Variants in DPF3 observed in about 807,000 individuals in gnomAD.
The protein encoded by DPF3 is double PHD fingers 3.
DPF3 carries 18 observed loss-of-function variants against 56.8 expected under a neutral mutation model. The ratio of observed to expected loss-of-function variants is 0.32; its 90% CI spans 0.22 to 0.47. The LOEUF is 0.47. DPF3 is among the 20% of genes least tolerant of loss of function. DPF3 has a pLI of 1.00. For missense variants in DPF3, 403 were observed against 488.8 expected, an observed-to-expected ratio of 0.82 and a Z score of 1.65; for synonymous variants, 188 against 180.2, an observed-to-expected ratio of 1.04 and a Z score of -0.35.
intron 9 of DPF3, among the ~76,000 whole-genome samples, chr14:72,627,286 T>C (rs1198953130): frequency 6.6e-6 from 1 of 152,136 alleles, no homozygotes; most frequent in African/African-American, 2.4e-5. Context: ...GGTTTTACTT[T>C]GTACATTTAG....
chr14:72,781,879 C>T (rs73302156), intron 1 of DPF3, among the ~76,000 whole-genome samples: 1 of 152,074 alleles, frequency 6.6e-6, no homozygotes, highest in South Asian at 2.1e-4. Context: ...GGTGGAGAAG[C>T]CTGCTTTATC....
intron 1 of DPF3, among the ~76,000 whole-genome samples, chr14:72,841,869 G>C (rs1884555268): frequency 6.6e-6 from 1 of 152,056 alleles, no homozygotes; most frequent in Non-Finnish European, 1.5e-5. Context: ...GACTGCTTGA[G>C]GCTGGGAGTT....
At chr14:72,730,817 C>G (rs888648592) in intron 4 of DPF3, among the ~76,000 whole-genome samples, 1 of 152,060 alleles carries the variant, frequency 6.6e-6, no homozygotes, top group African/African-American at 2.4e-5. Context: ...TATTACAATA[C>G]TCAATGGCAA....
chr14:72,892,941 CTGGAAGGA>C (rs1567273640), intron 1 of DPF3, among the ~76,000 whole-genome samples: 2 of 127,086 alleles, frequency 1.6e-5, no homozygotes, highest in South Asian at 2.4e-4. Context: ...GTTCCACTGA[CTGGAAGGA>C]AGGAAGGAAG....
chr14:72,844,994 T>TCTG (rs1884692292), intron 1 of DPF3, among the ~76,000 whole-genome samples: 1 of 152,118 alleles, frequency 6.6e-6, no homozygotes, highest in Admixed American at 6.5e-5. Flanking sequence ...GTGGCACCCG[T>TCTG]CTGTAGTTTC....
In DPF3 at chr14:72,616,394, C is replaced by G. The variant is rs549340730; in HGVS notation, c.*2903G>C. The stretch of plus-strand genomic sequence containing the variant: ...CCCATGTACATCCCTCACCTCCACC[C>G]CACAGCCCATGCAAGTCATGATTTC... On this transcript the variant is annotated 3_prime_UTR_variant, in exon 11 of 11. Transcript: ENST00000556509. Among the ~76,000 whole-genome samples the G allele has an allele frequency of 5.9e-5, 9 of 152,198 alleles. No homozygotes were observed. Among genetic ancestry groups the G allele is most frequent in the Non-Finnish European group, 1.3e-4 (9 of 68,040 alleles).
At chr14:72,826,117 A>T (rs1300043324) in intron 1 of DPF3, among the ~76,000 whole-genome samples, 1 of 152,174 alleles carries the variant, frequency 6.6e-6, no homozygotes, top group African/African-American at 2.4e-5. Context: ...AACTTGAAAG[A>T]GTTGTCTTGA....
intron 1 of DPF3, among the ~76,000 whole-genome samples, chr14:72,795,357 A>G (rs1892607944): frequency 6.7e-6 from 1 of 149,872 alleles, no homozygotes; most frequent in Non-Finnish European, 1.5e-5. Context: ...TTGGAACCAC[A>G]TCGCTCTGGG....
intron 2 of DPF3, among the ~76,000 whole-genome samples, chr14:72,759,588 A>T (rs1433116567): frequency 2.6e-5 from 4 of 151,536 alleles, no homozygotes; most frequent in Non-Finnish European, 5.9e-5. Context: ...AAGAAAGGGA[A>T]GGAAGGAAGG....
chr14:72,703,639 G>C (rs1194950887), intron 6 of DPF3, among the ~76,000 whole-genome samples: 2 of 152,314 alleles, frequency 1.3e-5, no homozygotes, highest in East Asian at 3.9e-4. Context: ...GATTTGCAAT[G>C]TGACCTTGGG....
chr14:72,849,045 A>G (rs113898395), intron 1 of DPF3, among the ~76,000 whole-genome samples: 19 of 152,344 alleles, frequency 1.2e-4, no homozygotes, highest in African/African-American at 3.6e-4. Context: ...CAGGCCCCCA[A>G]AAAAGTTAAA....
intron 6 of DPF3, among the ~76,000 whole-genome samples, chr14:72,704,350 G>A (rs1279103684): frequency 6.6e-6 from 1 of 152,180 alleles, no homozygotes; most frequent in Non-Finnish European, 1.5e-5. Flanking sequence ...AAAGAGAAAG[G>A]TCAAAAATCA....
chr14:72,892,506 C>CT lies in DPF3; in HGVS notation c.32+1550dup, dbSNP rs1293576198. 3 of 1,411,916 alleles carry CT rather than the reference C, an allele frequency of 2.1e-6. No homozygotes were observed. In the African/African-American group the frequency reaches 4.4e-5, roughly 20 times the overall value. The allele number at this position is 1,411,916 out of a possible 1,614,324, so 87.5% of individuals were successfully genotyped here. ...TTTGAAACCTGGGGCCTTCCTACCCCTTTCCCTATTTCTGATGGGCGACGA... is the reference window on the plus strand; with the variant it reads ...TTTGAAACCTGGGGCCTTCCTACCCCTTTTCCCTATTTCTGATGGGCGACGA... On this transcript the variant is annotated intron_variant, in intron 1 of 10. Coordinates refer to ENST00000556509, the MANE Select transcript of DPF3 (RefSeq NM_001280542.3).
intron 9 of DPF3, among the ~76,000 whole-genome samples, chr14:72,626,919 T>C (rs1884867352): frequency 6.6e-6 from 1 of 151,026 alleles, no homozygotes; most frequent in African/African-American, 2.5e-5. Flanking sequence ...TGTGAGTGCA[T>C]TTGAACTTTT....
intron 2 of DPF3, among the ~76,000 whole-genome samples, chr14:72,753,895 G>C (rs898401453): frequency 6.6e-5 from 10 of 152,096 alleles, no homozygotes; most frequent in Admixed American, 5.9e-4. Flanking sequence ...GCTCACTGTA[G>C]GCAAATGGAG....
chr14:72,835,953 C>T (rs1024458539), intron 1 of DPF3: 1 of 785,746 alleles, frequency 1.3e-6, no homozygotes, highest in East Asian at 1.3e-4. Flanking sequence ...ACACCTAAAA[C>T]CTGTGCGTTG....
At chr14:72,659,530 C>T (rs1886146161) in intron 8 of DPF3, among the ~76,000 whole-genome samples, 1 of 152,184 alleles carries the variant, frequency 6.6e-6, no homozygotes, top group Non-Finnish European at 1.5e-5. Context: ...AGTACACCTT[C>T]ATGCCAGACC....
rs777339050 is a variant in DPF3, at chr14:72,879,379, CAAAAAAAAA to C, written c.32+14669_32+14677del. On this transcript the variant is annotated intron_variant, in intron 1 of 10. Transcript: ENST00000556509. ...GTGAGACAGAGAGAGATTCCATCTC[CAAAAAAAAA>C]AAAAAAAGAAAAGAAAGGCATATGT... Among the ~76,000 whole-genome samples the C allele has an allele frequency of 1.5e-4, 17 of 114,396 alleles. No individual in the cohort carries two copies. In the East Asian group the frequency reaches 2.2e-3, roughly 15 times the overall value. 75.0% of individuals were successfully genotyped at this position (114,396 alleles called of 152,430 possible). A position where few individuals can be genotyped will look rare whatever the true frequency, so the allele number is the denominator to read the frequency against.
chr14:72,622,030 C>T (rs1387296118), intron 9 of DPF3, among the ~76,000 whole-genome samples: 1 of 152,128 alleles, frequency 6.6e-6, no homozygotes, highest in African/African-American at 2.4e-5. Flanking sequence ...AATTAGATGG[C>T]AAGTGAAGGT....
Sources: gnomAD v4.1 joint callset for allele counts (sites outside exome capture counted in the v4.1 genomes callset) on GRCh38, gnomAD v4.1.1 for gene constraint, MANE v1.5 for transcripts, NCBI Gene and HGNC (gene_info 2026-07-23, HGNC 2026-07-21) for gene names.